MYO1E: variants seen among roughly 807,000 people sequenced by gnomAD.
The protein encoded by MYO1E is unconventional myosin-Ie.
In MYO1E, 68 loss-of-function variants were observed where a neutral mutation model predicts 151.1. That is an observed-to-expected ratio of 0.45 (90% CI 0.37 to 0.55). The LOEUF is 0.55. MYO1E is among the 20% of genes least tolerant of loss of function. The pLI, the probability that MYO1E is intolerant of heterozygous loss-of-function variation, is 0.00. For synonymous variants in MYO1E, 601 were observed against 501.7 expected (o/e 1.20, Z -2.64); for missense variants, 1,363 against 1,389.3 (o/e 0.98, Z 0.30).
Position 59,159,497 on chromosome 15 carries a change from G to A in MYO1E, c.2786-1118C>T, listed in dbSNP as rs1267489712. On this transcript the variant is annotated intron_variant, in intron 24 of 27. Coordinates refer to ENST00000288235, the MANE Select transcript of MYO1E (RefSeq NM_004998.4). The surrounding 1 kb of genome is among the most constrained non-coding windows in gnomAD (Gnocchi z 4.4). ...AGACTGGAGTGTCAGGAGGGAGGTG[G>A]GGGACTTCATGTGCCTCCTTCCTGA... Among the ~76,000 whole-genome samples the A allele has an allele frequency of 1.3e-5, 2 of 152,184 alleles. No homozygotes were observed. The highest frequency in any genetic ancestry group is 4.8e-5 in the African/African-American group (2 of 41,446).
At chr15:59,353,074 T>A in intron 1 of MYO1E, among the ~76,000 whole-genome samples, 1 of 152,206 alleles carries the variant, frequency 6.6e-6, no homozygotes, top group Non-Finnish European at 1.5e-5. Context: ...AGTTGATTTT[T>A]AAGTTTCTTC....
At chr15:59,141,066 T>C (rs368459082) in intron 26 of MYO1E, among the ~76,000 whole-genome samples, 13 of 152,188 alleles carry the variant, frequency 8.5e-5, no homozygotes, top group African/African-American at 3.1e-4. Context: ...TATATTGGGA[T>C]GTGTCAGCAT....
intron 7 of MYO1E, among the ~76,000 whole-genome samples, chr15:59,225,395 C>T (rs2079983607): frequency 6.6e-6 from 1 of 152,182 alleles, no homozygotes; most frequent in Non-Finnish European, 1.5e-5. Context: ...CCCCCACACC[C>T]CAGCTCGTCC....
At chr15:59,206,424 G>A (rs1418775052) in intron 14 of MYO1E, among the ~76,000 whole-genome samples, 1 of 152,156 alleles carries the variant, frequency 6.6e-6, no homozygotes, top group Admixed American at 6.5e-5. Flanking sequence ...CCAAGGCAGT[G>A]GAATCCTTTC....
intron 26 of MYO1E, among the ~76,000 whole-genome samples, chr15:59,140,974 T>G (rs1414735526): frequency 3.3e-5 from 5 of 152,224 alleles, no homozygotes; most frequent in African/African-American, 1.2e-4. Context: ...TAGTGCCTAC[T>G]GGAAATCCCC....
At chr15:59,206,816 A>AG (rs1188993624) in intron 14 of MYO1E, 3 of 954,514 alleles carry the variant, frequency 3.1e-6, no homozygotes, top group South Asian at 1.7e-5. Flanking sequence ...GTAGAGGGCC[A>AG]GGGGGCGGGG....
At chr15:59,242,343 A>G (rs2080104980) in intron 4 of MYO1E, among the ~76,000 whole-genome samples, 1 of 152,230 alleles carries the variant, frequency 6.6e-6, no homozygotes, top group African/African-American at 2.4e-5. Flanking sequence ...GCCAAAAGGT[A>G]AGGAAATGTA....
chr15:59,174,870 A>G (rs1161595798), intron 19 of MYO1E, among the ~76,000 whole-genome samples: 1 of 152,102 alleles, frequency 6.6e-6, no homozygotes, highest in Non-Finnish European at 1.5e-5. Context: ...TTGCCCAGAA[A>G]GGCTGGGGCT....
chr15:59,323,980 GA>G (rs796473008), intron 1 of MYO1E, among the ~76,000 whole-genome samples: 24 of 144,292 alleles, frequency 1.7e-4, no homozygotes, highest in East Asian at 4.0e-4. Flanking sequence ...CCAAAGGCAG[GA>G]AAAAAAAAAA....
At chr15:59,161,500 GC>G (rs2079538349) in intron 23 of MYO1E, among the ~76,000 whole-genome samples, 1 of 152,206 alleles carries the variant, frequency 6.6e-6, no homozygotes, top group African/African-American at 2.4e-5. Flanking sequence ...ATGTGCCAGT[GC>G]CACTCTGTCA....
At chr15:59,265,789 C>T (rs1341328471) in intron 2 of MYO1E, among the ~76,000 whole-genome samples, 1 of 102,100 alleles carries the variant, frequency 9.8e-6, no homozygotes, top group Non-Finnish European at 1.9e-5. Flanking sequence ...GACCCCATCT[C>T]CTTAAAAAAA....
rs762034150 is a variant in MYO1E at position 59,188,710 on chromosome 15, T to TATAA, written c.1806-498_1806-495dup. On this transcript the variant is annotated intron_variant, in intron 17 of 27. Transcript: ENST00000288235. ...GACTCCGTCTCAGAAATAAAATAAA[T>TATAA]ATAAATAAATAAATAAATAAAAATA... Among the ~76,000 whole-genome samples, 1,329 of 151,546 alleles carry TATAA rather than the reference T, an allele frequency of 8.8e-3. 24 individuals carry two copies. Among genetic ancestry groups the TATAA allele is most frequent in the African/African-American group, 0.03 (1,251 of 41,346 alleles).
At chr15:59,172,164 C>G in intron 21 of MYO1E, 122 bp from the exon 22 acceptor site, 1 of 1,105,638 alleles carries the variant, frequency 9.0e-7, no homozygotes, top group South Asian at 1.3e-5. Context: ...CGAGACCAGC[C>G]TGACCAACAT....
intron 2 of MYO1E, among the ~76,000 whole-genome samples, chr15:59,262,310 G>T (rs1596389749): frequency 6.6e-6 from 1 of 152,082 alleles, no homozygotes; most frequent in Admixed American, 6.6e-5. Context: ...GGAATTAAAA[G>T]GCATCAATGA....
intron 4 of MYO1E, among the ~76,000 whole-genome samples, chr15:59,254,111 G>C (rs2080181012): frequency 6.6e-6 from 1 of 152,064 alleles, no homozygotes; most frequent in South Asian, 2.1e-4. Flanking sequence ...AATTCTTCCT[G>C]TTTAAGGTGT....
At chr15:59,268,718 G>GTTTTT (rs1452818863) in intron 2 of MYO1E, among the ~76,000 whole-genome samples, 343 of 11,978 alleles carry the variant, frequency 0.029, 13 homozygotes, top group East Asian at 0.15. Flanking sequence ...GGTGACTTTG[G>GTTTTT]TATTTTTTTT....
At chr15:59,173,938 G>C (rs753388446) in intron 20 of MYO1E, 23 bp from the exon 21 acceptor site, 3 of 1,612,598 alleles carry the variant, frequency 1.9e-6, no homozygotes, top group East Asian at 2.2e-5. Context: ...AGAGGGTCAA[G>C]ATGGAAGAAG....
chr15:59,286,003 A>G lies in MYO1E; in HGVS notation c.4-13554T>C, dbSNP rs187165843. Among the ~76,000 whole-genome samples the G allele has an allele frequency of 2.5e-3, 379 of 152,360 alleles. 1 individual carries two copies. Among genetic ancestry groups the G allele is most frequent in the African/African-American group, 8.9e-3 (369 of 41,586 alleles). On this transcript the variant is annotated intron_variant, in intron 1 of 27. Coordinates refer to ENST00000288235, the MANE Select transcript of MYO1E (RefSeq NM_004998.4). ...TACACAGCCAAGGTAATGAGGCAGG[A>G]AGACTAGCTAGAAACACCAGCAGCT...
At chr15:59,144,980 AC>A (rs1461208268) in intron 26 of MYO1E, among the ~76,000 whole-genome samples, 1 of 152,046 alleles carries the variant, frequency 6.6e-6, no homozygotes, top group East Asian at 1.9e-4. Context: ...AGTAGTTGGG[AC>A]TACAGGCATG....
Sources: allele counts gnomAD v4.1 joint callset (sites outside exome capture counted in the v4.1 genomes callset), GRCh38; gene constraint gnomAD v4.1.1; non-coding constraint Gnocchi (gnomAD v3.1); transcripts MANE v1.5; gene names NCBI Gene and HGNC (gene_info 2026-07-23, HGNC 2026-07-21).